SIDT1: variants seen among roughly 807,000 people sequenced by gnomAD.
SIDT1 encodes the protein SID1 transmembrane family member 1.
In SIDT1, 101 loss-of-function variants were observed where a neutral mutation model predicts 107.5. The observed-to-expected ratio is 0.94, with a 90% CI of 0.80 to 1.11. The LOEUF (loss-of-function observed/expected upper bound fraction) is 1.11. Ranked by LOEUF, SIDT1 falls within the 50% of genes least tolerant of loss-of-function variation. The pLI is 0.00. For missense variants in SIDT1, 1,076 were observed against 1,058.2 expected, an observed-to-expected ratio of 1.02 and a Z score of -0.23; for synonymous variants, 395 against 398.2, an observed-to-expected ratio of 0.99 and a Z score of 0.10.
chr3:113,563,482 TA>T (rs1400556660), intron 1 of SIDT1, among the ~76,000 whole-genome samples: 1 of 152,234 alleles, frequency 6.6e-6, no homozygotes, highest in Admixed American at 6.5e-5. Context: ...GACTTGAATC[TA>T]ATGAAGCCTC....
At chr3:113,600,819 A>T (rs1027131775) in intron 10 of SIDT1, among the ~76,000 whole-genome samples, 4 of 152,262 alleles carry the variant, frequency 2.6e-5, no homozygotes, top group Middle Eastern at 3.2e-3. Flanking sequence ...CTTATGGGTC[A>T]GCCCAAGAAA....
At chr3:113,597,636 A>G (rs1944668997) in intron 10 of SIDT1, among the ~76,000 whole-genome samples, 1 of 152,202 alleles carries the variant, frequency 6.6e-6, no homozygotes, top group East Asian at 1.9e-4. Context: ...AAAGACGCAA[A>G]CATGCTCAAA....
At chr3:113,579,867 C>A (rs895694316) in intron 4 of SIDT1, among the ~76,000 whole-genome samples, 1 of 152,182 alleles carries the variant, frequency 6.6e-6, no homozygotes, top group Non-Finnish European at 1.5e-5. Context: ...TCATTAAGGA[C>A]AAGTTTACAA....
At chr3:113,559,060 A>G (rs1430336650) in intron 1 of SIDT1, among the ~76,000 whole-genome samples, 1 of 152,228 alleles carries the variant, frequency 6.6e-6, no homozygotes, top group Non-Finnish European at 1.5e-5. Context: ...GCATGAATAT[A>G]ATTTATCTCT....
intron 6 of SIDT1, 31 bp from the exon 7 acceptor site, chr3:113,583,378 G>A (rs775811799): frequency 2.6e-5 from 40 of 1,520,006 alleles, no homozygotes; most frequent in South Asian, 8.5e-5. Context: ...CTTTCTTACC[G>A]CCTATCATAA....
At chr3:113,615,208 C>T in intron 19 of SIDT1, 1 of 921,180 alleles carries the variant, frequency 1.1e-6, no homozygotes, top group South Asian at 1.4e-5. Flanking sequence ...AGTGGGGAGC[C>T]AGAGAGAGGC....
At chr3:113,581,693 C>CA (rs1368834910) in intron 6 of SIDT1, 1 of 429,098 alleles carries the variant, frequency 2.3e-6, no homozygotes, top group African/African-American at 2.0e-5. Flanking sequence ...GCCAATATGG[C>CA]AAAACCCTGT....
intron 1 of SIDT1, among the ~76,000 whole-genome samples, chr3:113,548,267 C>A (rs933806515): frequency 6.6e-6 from 1 of 152,052 alleles, no homozygotes; most frequent in Non-Finnish European, 1.5e-5. Context: ...TTGGGGTTCA[C>A]TCTTGGTGTT....
intron 1 of SIDT1, among the ~76,000 whole-genome samples, chr3:113,551,234 G>C: frequency 6.6e-6 from 1 of 152,152 alleles, no homozygotes; most frequent in East Asian, 1.9e-4. Flanking sequence ...TATGCATGCA[G>C]ATGTCTTTAT....
At chr3:113,575,948 G>A (rs192163954) in intron 3 of SIDT1, among the ~76,000 whole-genome samples, 4 of 152,332 alleles carry the variant, frequency 2.6e-5, no homozygotes, top group Admixed American at 2.0e-4. Flanking sequence ...CAGGTGCAGC[G>A]TTTCAGCAGC....
intron 23 of SIDT1, among the ~76,000 whole-genome samples, chr3:113,624,093 A>C (rs1946674239): frequency 6.6e-6 from 1 of 152,210 alleles, no homozygotes; most frequent in South Asian, 2.1e-4. Context: ...GTGTCATTAC[A>C]TCCAGTCCAT....
At chr3:113,608,314 A>G in intron 16 of SIDT1, 97 bp downstream of exon 16, 1 of 1,544,974 alleles carries the variant, frequency 6.5e-7, no homozygotes. Context: ...ATGATTTATT[A>G]TGTGTAATAA....
intron 4 of SIDT1, among the ~76,000 whole-genome samples, chr3:113,577,541 C>T (rs1435183056): frequency 6.6e-6 from 1 of 152,210 alleles, no homozygotes; most frequent in Non-Finnish European, 1.5e-5. Flanking sequence ...GTGTTGTGCT[C>T]TCCATTAAAC....
chr3:113,613,657 G>A lies in SIDT1; in HGVS notation c.1966+1463G>A, dbSNP rs965931052. Among the ~76,000 whole-genome samples, 7 of 152,348 alleles carry A rather than the reference G, an allele frequency of 4.6e-5. No homozygotes were observed. In the East Asian group the frequency reaches 1.4e-3, roughly 29 times the overall value. ...TGATCCTCCACCAGACAGAAGGTAA[G>A]TGAAGTCATACAAACTAAACTTTCA... On this transcript the variant is annotated intron_variant, in intron 19 of 24. Transcript: ENST00000264852.
chr3:113,543,539 G>A (rs970301629), intron 1 of SIDT1, among the ~76,000 whole-genome samples: 4 of 152,096 alleles, frequency 2.6e-5, no homozygotes, highest in South Asian at 4.1e-4. Context: ...CTCATGTTTC[G>A]GGGTTAGTGG....
At chr3:113,552,443 C>T (rs1022821933) in intron 1 of SIDT1, among the ~76,000 whole-genome samples, 1 of 152,086 alleles carries the variant, frequency 6.6e-6, no homozygotes, top group Non-Finnish European at 1.5e-5. Flanking sequence ...GACATAGGTT[C>T]GTGCAAGGGT....
intron 10 of SIDT1, chr3:113,601,356 T>C (rs1205541431): frequency 2.3e-5 from 9 of 385,338 alleles, no homozygotes; most frequent in Admixed American, 4.5e-5. Context: ...TCTTTGGATT[T>C]TTTCCCCAGT....
At chr3:113,536,592 C>G (rs1005749884) in intron 1 of SIDT1, among the ~76,000 whole-genome samples, 1 of 152,202 alleles carries the variant, frequency 6.6e-6, no homozygotes, top group Non-Finnish European at 1.5e-5. Context: ...AGCCATTGCT[C>G]CTAATCTTTC....
chr3:113,580,864 C>A (rs1018738021), intron 5 of SIDT1, among the ~76,000 whole-genome samples, 155 bp downstream of exon 5: 1 of 152,122 alleles, frequency 6.6e-6, no homozygotes, highest in South Asian at 2.1e-4. Flanking sequence ...CACGAGTGGG[C>A]AGACTGTGTT....
Sources: allele counts gnomAD v4.1 joint callset (sites outside exome capture counted in the v4.1 genomes callset), GRCh38; gene constraint gnomAD v4.1.1; transcripts MANE v1.5; gene names NCBI Gene and HGNC (gene_info 2026-07-23, HGNC 2026-07-21).